Variants in STPG2 observed in about 807,000 individuals in gnomAD.
The protein encoded by STPG2 is sperm tail PG-rich repeat containing 2, also known as sperm-tail PG-rich repeat-containing protein 2.
STPG2 carries 56 observed loss-of-function variants against 54.2 expected under a neutral mutation model. The observed-to-expected ratio is 1.03, with a 90% CI of 0.83 to 1.29. The LOEUF is 1.29. STPG2 is among the 50% of genes most tolerant of loss of function. The pLI is 0.00. For missense variants in STPG2, 596 were observed against 544.9 expected (o/e 1.09, Z -0.93); for synonymous variants, 200 against 181.8 (o/e 1.10, Z -0.81).
chr4:97,463,319 C>G (rs370564169), intron 4 of STPG2, among the ~76,000 whole-genome samples: 1 of 152,004 alleles, frequency 6.6e-6, no homozygotes, highest in Non-Finnish European at 1.5e-5. Context: ...AAATTTCGGA[C>G]GCTTTATTAG....
chr4:97,983,863 A>G (rs2149264829), intron 5 of STPG2, among the ~76,000 whole-genome samples: 1 of 152,316 alleles, frequency 6.6e-6, no homozygotes, highest in South Asian at 2.1e-4. Context: ...AGACATGTGA[A>G]CATATATACA....
chr4:97,787,801 T>C (rs1726871452), intron 9 of STPG2, among the ~76,000 whole-genome samples: 1 of 151,802 alleles, frequency 6.6e-6, no homozygotes, highest in South Asian at 2.1e-4. Flanking sequence ...GATTTTCTAA[T>C]TTTTTTGAGA....
chr4:98,035,100 G>A (rs1736729159), intron 5 of STPG2, among the ~76,000 whole-genome samples: 1 of 152,114 alleles, frequency 6.6e-6, no homozygotes, highest in South Asian at 2.1e-4. Context: ...AGACAAATGG[G>A]ATCTAATTAA....
intron 9 of STPG2, among the ~76,000 whole-genome samples, chr4:97,762,731 T>G (rs1324712223): frequency 1.3e-5 from 2 of 152,112 alleles, no homozygotes; most frequent in East Asian, 1.9e-4. Context: ...AACAATAAAA[T>G]AAGTCATTCA....
At chr4:98,094,914 T>C (rs1738804271) in intron 5 of STPG2, among the ~76,000 whole-genome samples, 1 of 152,204 alleles carries the variant, frequency 6.6e-6, no homozygotes, top group African/African-American at 2.4e-5. Flanking sequence ...TGTTTATGCT[T>C]GTTAAAATAA....
intron 5 of STPG2, among the ~76,000 whole-genome samples, chr4:98,003,035 CA>C (rs980286426): frequency 3.5e-4 from 53 of 152,164 alleles, no homozygotes; most frequent in Admixed American, 2.2e-3. Context: ...GTTATATTTG[CA>C]GTTCATTTCT....
downstream of STPG2, chr4:97,558,816 T>G (rs1286320548): frequency 2.3e-6 from 1 of 435,466 alleles, no homozygotes; most frequent in East Asian, 4.4e-5. Context: ...CAAAAAATGT[T>G]GGGGTTAACT....
At chr4:98,003,795 G>A (rs2149277420) in intron 5 of STPG2, among the ~76,000 whole-genome samples, 1 of 151,958 alleles carries the variant, frequency 6.6e-6, no homozygotes, top group Admixed American at 6.6e-5. Flanking sequence ...TTCACTTTTT[G>A]TTTCAAATTC....
At chr4:98,014,414 T>G (rs1735861155) in intron 5 of STPG2, among the ~76,000 whole-genome samples, 1 of 152,230 alleles carries the variant, frequency 6.6e-6, no homozygotes, top group East Asian at 1.9e-4. Context: ...TCATGGGTCA[T>G]GCCAGCTGCC....
In STPG2 at chr4:97,793,117, G is replaced by A. The variant is rs139380650; in HGVS notation, c.1204+47656C>T. ...TGCAGTAAGCCAAGATCATGCCACT[G>A]CACTCCAGCCTGGGCGACACCATCT... On this transcript the variant is annotated intron_variant, in intron 9 of 10. Transcript: ENST00000295268. 2.4e-3 allele frequency among the ~76,000 whole-genome samples: 371 copies of A among 151,998 alleles called. 1 individual carries two copies. Among genetic ancestry groups the A allele is most frequent in the Non-Finnish European group, 4.6e-3 (312 of 67,974 alleles).
At chr4:97,766,602 A>G (rs1250741790) in intron 9 of STPG2, among the ~76,000 whole-genome samples, 1 of 152,080 alleles carries the variant, frequency 6.6e-6, no homozygotes, top group Non-Finnish European at 1.5e-5. Flanking sequence ...TCCACCCAAT[A>G]TAGGATTTGT....
chr4:97,480,722 C>A (rs1730198847), intron 4 of STPG2, among the ~76,000 whole-genome samples: 1 of 151,394 alleles, frequency 6.6e-6, no homozygotes. Context: ...TTGCTTATAG[C>A]CTTCTGTGAA....
chr4:98,116,234 T>A (rs1387417271), intron 3 of STPG2, among the ~76,000 whole-genome samples: 1 of 147,738 alleles, frequency 6.8e-6, no homozygotes, highest in African/African-American at 2.5e-5. Context: ...TTCTAATAGA[T>A]GACACATTAT....
At chr4:98,068,372 C>A (rs1737896132) in intron 5 of STPG2, among the ~76,000 whole-genome samples, 1 of 152,080 alleles carries the variant, frequency 6.6e-6, no homozygotes, top group African/African-American at 2.4e-5. Context: ...TGACAATAAA[C>A]CTCTAAGGAC....
intron 4 of STPG2, among the ~76,000 whole-genome samples, chr4:97,451,362 C>G (rs998454843): frequency 3.3e-5 from 5 of 151,192 alleles, no homozygotes; most frequent in Non-Finnish European, 7.4e-5. Flanking sequence ...ATAATCCAGA[C>G]TGCAGAATAT....
rs1025587552 is a variant in STPG2 at position 97,820,993 on chromosome 4, T to C, written c.1204+19780A>G. Among the ~76,000 whole-genome samples the C allele has an allele frequency of 2.6e-5, 4 of 152,138 alleles. No individual in the cohort carries two copies. The East Asian group carries it at 7.7e-4, about 29-fold the overall frequency. ...TCTCATGTTCTTCTCACATTGCAAA[T>C]TACAATCATGCTTTCCAATAGGTTC... On this transcript the variant is annotated intron_variant, in intron 9 of 10. Transcript: ENST00000295268.
intron 7 of STPG2, among the ~76,000 whole-genome samples, chr4:97,953,750 T>C (rs2149242327): frequency 1.3e-5 from 2 of 152,380 alleles, no homozygotes; most frequent in East Asian, 3.9e-4. Context: ...AGGCATTCTC[T>C]CTGCCTTTCA....
chr4:97,874,045 C>T (rs1410504114), intron 8 of STPG2, among the ~76,000 whole-genome samples: 1 of 151,318 alleles, frequency 6.6e-6, no homozygotes, highest in Non-Finnish European at 1.5e-5. Flanking sequence ...GAAAGAGAAG[C>T]TTAAAACATT....
At chr4:97,950,073 G>A (rs1453225842) in intron 7 of STPG2, among the ~76,000 whole-genome samples, 1 of 151,872 alleles carries the variant, frequency 6.6e-6, no homozygotes, top group Non-Finnish European at 1.5e-5. Flanking sequence ...TTCATTTCCA[G>A]AAGTTCTGAT....
Sources: gnomAD v4.1 joint callset for allele counts (sites outside exome capture counted in the v4.1 genomes callset) on GRCh38, gnomAD v4.1.1 for gene constraint, MANE v1.5 for transcripts, NCBI Gene and HGNC (gene_info 2026-07-23, HGNC 2026-07-21) for gene names.